The following CDH13 variants were observed in gnomAD, a reference collection of about 807,000 sequenced individuals.
CDH13 encodes the protein cadherin-13.
A neutral mutation model predicts 63.8 loss-of-function variants in CDH13; 24 were observed. The ratio of observed to expected loss-of-function variants is 0.38; its 90% CI spans 0.27 to 0.53. The LOEUF (loss-of-function observed/expected upper bound fraction) is 0.53. CDH13 is among the 20% of genes least tolerant of loss of function. The probability of loss-of-function intolerance (pLI) is 0.85; values close to 1 mark genes in which losing one functional copy is unlikely to be tolerated. For missense variants in CDH13, 1,049 were observed against 903.1 expected (o/e 1.16, Z -2.07); for synonymous variants, 503 against 355.3 (o/e 1.42, Z -4.67).
intron 6 of CDH13, among the ~76,000 whole-genome samples, chr16:83,412,795 A>G (rs1248074154): frequency 1.3e-5 from 2 of 152,218 alleles, no homozygotes; most frequent in Non-Finnish European, 2.9e-5. Flanking sequence ...TAAGCCATGC[A>G]TTTACGATTT....
At chr16:82,900,012 G>A (rs952257039) in intron 2 of CDH13, among the ~76,000 whole-genome samples, 5 of 152,100 alleles carry the variant, frequency 3.3e-5, no homozygotes, top group Admixed American at 2.0e-4. Flanking sequence ...GCTCTCCCAT[G>A]TCTCCCCTGC....
chr16:83,004,563 G>T (rs1439782743), intron 2 of CDH13, among the ~76,000 whole-genome samples: 1 of 151,968 alleles, frequency 6.6e-6, no homozygotes, highest in African/African-American at 2.4e-5. Flanking sequence ...GGAGTGTATT[G>T]GTGTGCTCAC....
intron 1 of CDH13, among the ~76,000 whole-genome samples, chr16:82,804,497 G>T (rs1295909226): frequency 1.3e-5 from 2 of 152,082 alleles, no homozygotes; most frequent in African/African-American, 2.4e-5. Context: ...TTAAGAAAAA[G>T]AAATAAAAAC....
At chr16:82,805,999 T>C (rs1325207234) in intron 1 of CDH13, among the ~76,000 whole-genome samples, 7 of 152,188 alleles carry the variant, frequency 4.6e-5, no homozygotes, top group African/African-American at 1.7e-4. Flanking sequence ...TTCTATCTAA[T>C]TTTCATTGAG....
chr16:83,212,713 G>T (rs1284589044), intron 4 of CDH13, among the ~76,000 whole-genome samples: 2 of 152,298 alleles, frequency 1.3e-5, no homozygotes, highest in Admixed American at 1.3e-4. Context: ...CCAAAGCAGT[G>T]GTCTTCAAAC....
chr16:83,407,236 G>C (rs2092061281), intron 6 of CDH13, among the ~76,000 whole-genome samples: 1 of 152,180 alleles, frequency 6.6e-6, no homozygotes, highest in South Asian at 2.1e-4. Context: ...AGGTATCAAG[G>C]CAAAGAAAAC....
chr16:83,488,920 C>G (rs143176552), intron 7 of CDH13, among the ~76,000 whole-genome samples: 18 of 152,150 alleles, frequency 1.2e-4, no homozygotes, highest in Non-Finnish European at 2.1e-4. Context: ...CCACTGCGCC[C>G]GGCCAATGCT....
intron 5 of CDH13, among the ~76,000 whole-genome samples, chr16:83,302,094 A>C (rs1360192176): frequency 6.6e-6 from 1 of 152,166 alleles, no homozygotes; most frequent in Non-Finnish European, 1.5e-5. Context: ...TGTTGTTGTG[A>C]GTACTACGTG....
At chr16:83,350,953 A>C (rs2090939717) in intron 6 of CDH13, among the ~76,000 whole-genome samples, 1 of 152,234 alleles carries the variant, frequency 6.6e-6, no homozygotes, top group Non-Finnish European at 1.5e-5. Context: ...CTTTGGGACT[A>C]ATGGCTATCC....
At chr16:82,798,463 G>C (rs1455735164) in intron 1 of CDH13, among the ~76,000 whole-genome samples, 1 of 152,098 alleles carries the variant, frequency 6.6e-6, no homozygotes, top group East Asian at 1.9e-4. Flanking sequence ...GGTGTGATTA[G>C]ACTTCTGGTT....
At position 82,731,216 on chromosome 16, in the gene CDH13, C is replaced by G. The variant is rs531387764; in HGVS notation, c.45+104079C>G. 2.6e-5 allele frequency among the ~76,000 whole-genome samples: 4 copies of G among 152,272 alleles called. No individual in the cohort carries two copies. In the South Asian group the frequency reaches 6.2e-4, roughly 24 times the overall value. On this transcript the variant is annotated intron_variant, in intron 1 of 13. Coordinates refer to ENST00000567109, the MANE Select transcript of CDH13 (RefSeq NM_001257.5). ...TTCTGTAAAAAGCTAGAGGAGTATCCTAGGCTTTGTGGGCACCGAACCCTC... is the reference window on the plus strand; with the variant it reads ...TTCTGTAAAAAGCTAGAGGAGTATCGTAGGCTTTGTGGGCACCGAACCCTC...
chr16:82,725,644 C>G (rs746503897), intron 1 of CDH13, among the ~76,000 whole-genome samples: 3 of 152,140 alleles, frequency 2.0e-5, no homozygotes, highest in Non-Finnish European at 4.4e-5. Context: ...TTCAACTTTA[C>G]TTGGTGGCTT....
At chr16:83,490,945 C>G (rs1044780829) in intron 7 of CDH13, among the ~76,000 whole-genome samples, 3 of 152,154 alleles carry the variant, frequency 2.0e-5, no homozygotes, top group Admixed American at 2.0e-4. Context: ...TTCCCATTGC[C>G]AAATATAGCA....
At chr16:83,598,972 C>T (rs939108713) in intron 7 of CDH13, among the ~76,000 whole-genome samples, 2 of 152,180 alleles carry the variant, frequency 1.3e-5, no homozygotes, top group African/African-American at 2.4e-5. Flanking sequence ...ATGTCCTCAT[C>T]GCATGATGAT....
At chr16:82,847,259 C>T (rs1016772774) in intron 1 of CDH13, among the ~76,000 whole-genome samples, 3 of 152,162 alleles carry the variant, frequency 2.0e-5, no homozygotes, top group Non-Finnish European at 4.4e-5. Flanking sequence ...CAATTTAAAA[C>T]GAACATAGTA....
At chr16:83,754,063 G>C (rs1191347264) in intron 11 of CDH13, among the ~76,000 whole-genome samples, 1 of 152,050 alleles carries the variant, frequency 6.6e-6, no homozygotes, top group Non-Finnish European at 1.5e-5. Flanking sequence ...GAATCACAGG[G>C]AGCTTTTGTG....
chr16:83,152,566 A>G (rs1393433887), intron 4 of CDH13, among the ~76,000 whole-genome samples: 2 of 152,212 alleles, frequency 1.3e-5, no homozygotes, highest in South Asian at 2.1e-4. Flanking sequence ...CATAATGGCC[A>G]TGTTTTATTT....
intron 3 of CDH13, among the ~76,000 whole-genome samples, chr16:83,062,763 A>T (rs991203098): frequency 2.0e-5 from 3 of 152,180 alleles, no homozygotes; most frequent in Admixed American, 2.0e-4. Flanking sequence ...TGGGTCAAGA[A>T]TTCCAGCAGG....
intron 4 of CDH13, among the ~76,000 whole-genome samples, chr16:83,144,098 C>T (rs545208706): frequency 2.6e-4 from 39 of 152,072 alleles, no homozygotes; most frequent in African/African-American, 9.2e-4. Flanking sequence ...AAAATGAAAT[C>T]GCCTGATTGG....
Sources: allele counts gnomAD v4.1 joint callset (sites outside exome capture counted in the v4.1 genomes callset), GRCh38; gene constraint gnomAD v4.1.1; transcripts MANE v1.5; gene names NCBI Gene and HGNC (gene_info 2026-07-23, HGNC 2026-07-21).